Variants in MGST1 observed in about 807,000 individuals in gnomAD.
The protein encoded by MGST1 is glutathione S-transferase 12.
Under a neutral mutation model 8.9 loss-of-function variants are expected in MGST1, and 5 were observed. That is an observed-to-expected ratio of 0.56 (90% confidence interval 0.29 to 1.19). The LOEUF is 1.19. Ranked by LOEUF, MGST1 falls within the 50% of genes most tolerant of loss-of-function variation. The pLI is 0.08. For synonymous variants in MGST1, 54 were observed against 67.8 expected, an observed-to-expected ratio of 0.80 and a Z score of 1.00; for missense variants, 182 against 187.4, an observed-to-expected ratio of 0.97 and a Z score of 0.17.
intron 2 of MGST1, chr12:16,354,635 G>T: frequency 8.0e-6 from 2 of 249,540 alleles, no homozygotes; most frequent in South Asian, 1.3e-4. Context: ...GAGATATTCT[G>T]GAATATCAAA....
intron 3 of MGST1, among the ~76,000 whole-genome samples, chr12:16,374,217 T>C (rs868653958): frequency 1.4e-4 from 22 of 152,230 alleles, no homozygotes; most frequent in Non-Finnish European, 2.9e-4. Context: ...TGAAACTAAA[T>C]GGAAAACTCA....
At chr12:16,472,639 G>A (rs34390) in intron 4 of MGST1, among the ~76,000 whole-genome samples, 151,924 of 152,320 alleles carry the variant, frequency 1, 75,767 homozygotes, top group Middle Eastern at 1. Flanking sequence ...TAGTATCTTC[G>A]GAGATATCTT....
At chr12:16,536,082 A>AGTGTGTGT (rs10579042) in intron 4 of MGST1, among the ~76,000 whole-genome samples, 18,003 of 145,282 alleles carry the variant, frequency 0.12, 1,181 homozygotes, top group East Asian at 0.18. Flanking sequence ...GGTGTGTGTG[A>AGTGTGTGT]GTGTGTGTGT....
chr12:16,590,092 T>C (rs1341585240), downstream of MGST1, among the ~76,000 whole-genome samples: 1 of 152,104 alleles, frequency 6.6e-6, no homozygotes, highest in Non-Finnish European at 1.5e-5. Flanking sequence ...ACATGCAAGC[T>C]CGAGAACTTT....
Position 16,357,851 on chromosome 12 carries a change from AT to A in MGST1, c.221+154del, listed in dbSNP as rs1939793308. ...AATTACAGAAAACTGGATGTCTGAAATTGACACACTGCACTTGTATGTGTTG... is the reference window on the plus strand; with the variant it reads ...AATTACAGAAAACTGGATGTCTGAAATGACACACTGCACTTGTATGTGTTG... On this transcript the variant is annotated intron_variant, in intron 3 of 3. Transcript: ENST00000396210. 3 of 589,446 alleles carry A rather than the reference AT, an allele frequency of 5.1e-6. No individual in the cohort carries two copies. In the South Asian group the frequency reaches 6.5e-5, roughly 13 times the overall value. 36.5% of individuals were successfully genotyped at this position (589,446 alleles called of 1,614,324 possible).
chr12:16,554,120 T>A (rs537443111), intron 4 of MGST1, among the ~76,000 whole-genome samples: 2 of 152,292 alleles, frequency 1.3e-5, no homozygotes, highest in African/African-American at 4.8e-5. Flanking sequence ...TTTCTAGATA[T>A]TTTTGAGTGA....
chr12:16,484,868 C>G (rs1941388896), intron 4 of MGST1, among the ~76,000 whole-genome samples: 1 of 152,164 alleles, frequency 6.6e-6, no homozygotes, highest in African/African-American at 2.4e-5. Context: ...TATTTTGCAT[C>G]TTATAAATTT....
chr12:16,399,821 A>T (rs562172262), intron 1 of MGST1: 2 of 1,215,790 alleles, frequency 1.6e-6, no homozygotes, highest in Non-Finnish European at 2.4e-6. Flanking sequence ...GGCATTGATC[A>T]TGGTCACTTT....
chr12:16,523,797 T>C (rs973365495), intron 4 of MGST1, among the ~76,000 whole-genome samples: 7 of 152,138 alleles, frequency 4.6e-5, no homozygotes, highest in African/African-American at 1.7e-4. Context: ...TAACTGAAAC[T>C]GACTATGAAC....
intron 4 of MGST1, among the ~76,000 whole-genome samples, chr12:16,456,252 G>A (rs1016637573): frequency 6.6e-6 from 1 of 151,740 alleles, no homozygotes; most frequent in Non-Finnish European, 1.5e-5. Flanking sequence ...GGAGAAAGTC[G>A]ATAGCTAATT....
rs1432597852 is a variant in MGST1, at chr12:16,410,456, A to G, written n.778+26852A>G. Among the ~76,000 whole-genome samples the G allele has an allele frequency of 6.6e-6, 1 of 151,816 alleles. No homozygotes were observed. Among genetic ancestry groups the G allele is most frequent in the Non-Finnish European group, 1.5e-5 (1 of 67,986 alleles). On this transcript the variant is annotated intron_variant and non_coding_transcript_variant, in intron 1 of 1. Transcript: ENST00000359720. The surrounding 1 kb of genome is among the most constrained non-coding windows in gnomAD (Gnocchi z 4.4). ...TGTGTTTTCTAAATCTGCAAATATG[A>G]TGCACTCAGTTCTATAGACGCTAGT...
intron 1 of MGST1, among the ~76,000 whole-genome samples, chr12:16,406,585 A>G (rs781074456): frequency 6.6e-6 from 1 of 152,226 alleles, no homozygotes; most frequent in South Asian, 2.1e-4. Flanking sequence ...ATATGGAACC[A>G]AAAAAGAGCA....
rs900929119 is a variant in MGST1, at chr12:16,485,604, G to A, written n.482+102000G>A. 2.0e-5 allele frequency among the ~76,000 whole-genome samples: 3 copies of A among 152,030 alleles called. No homozygotes were observed. The East Asian group carries it at 5.8e-4, about 29-fold the overall frequency. On this transcript the variant is annotated intron_variant and non_coding_transcript_variant, in intron 4 of 4. Transcript: ENST00000538857. ...ATTATCTTTTACCGTTCTCACTATT[G>A]TTTCCTTCTGGAACTCCAATAATTA...
downstream of MGST1, chr12:16,589,596 C>T (rs564496199): frequency 1.3e-5 from 2 of 152,170 alleles, no homozygotes; most frequent in African/African-American, 4.8e-5. This position sits in a 1 kb window ranked among gnomAD's most constrained non-coding sequence, Gnocchi z 4.2. Context: ...ATAAGCACAT[C>T]ATCTCTATTA....
chr12:16,443,380 C>T (rs1056086339), downstream of MGST1, among the ~76,000 whole-genome samples: 24 of 151,586 alleles, frequency 1.6e-4, no homozygotes, highest in Non-Finnish European at 2.5e-4. Flanking sequence ...TCTAAAATCT[C>T]GCTTTTTGTT....
intron 1 of MGST1, among the ~76,000 whole-genome samples, chr12:16,397,030 C>T (rs1276540076): frequency 6.6e-6 from 1 of 152,124 alleles, no homozygotes; most frequent in Admixed American, 6.6e-5. Context: ...TCAAACTATA[C>T]TATAAGGCCA....
intron 4 of MGST1, among the ~76,000 whole-genome samples, chr12:16,461,141 A>G (rs1941215845): frequency 6.8e-6 from 1 of 147,052 alleles, no homozygotes; most frequent in Non-Finnish European, 1.5e-5. Flanking sequence ...ATAATGGGTT[A>G]TTTCAATAAA....
At chr12:16,551,660 T>A (rs568635580) in intron 4 of MGST1, among the ~76,000 whole-genome samples, 4 of 151,722 alleles carry the variant, frequency 2.6e-5, no homozygotes, top group African/African-American at 7.2e-5. Context: ...TTTACACCCA[T>A]TAAAATAAAA....
intron 1 of MGST1, among the ~76,000 whole-genome samples, chr12:16,411,295 A>G (rs1940741098): frequency 6.6e-6 from 1 of 152,202 alleles, no homozygotes; most frequent in South Asian, 2.1e-4. Context: ...CATTGAAGGT[A>G]GTAAATATAA....
Sources: allele counts gnomAD v4.1 joint callset (sites outside exome capture counted in the v4.1 genomes callset), GRCh38; gene constraint gnomAD v4.1.1; non-coding constraint Gnocchi (gnomAD v3.1); transcripts MANE v1.5; gene names NCBI Gene and HGNC (gene_info 2026-07-23, HGNC 2026-07-21).